The following CHN2 variants were observed in gnomAD, a reference collection of about 807,000 sequenced individuals.
CHN2 encodes the protein chimerin 2, also known as beta-chimaerin.
In CHN2, 35 loss-of-function variants were observed where a neutral mutation model predicts 56.3. That is an observed-to-expected ratio of 0.62 (90% CI 0.47 to 0.82). The LOEUF (loss-of-function observed/expected upper bound fraction) is 0.82, where lower values mean the gene tolerates loss of function less well. CHN2 is among the 40% of genes least tolerant of loss of function. CHN2 has a pLI of 0.00. For missense variants in CHN2, 491 were observed against 580.5 expected (o/e 0.85, Z 1.58); for synonymous variants, 210 against 212.8 (o/e 0.99, Z 0.12).
chr7:29,359,237 C>A (rs1394794361), intron 2 of CHN2, among the ~76,000 whole-genome samples: 4 of 152,060 alleles, frequency 2.6e-5, no homozygotes, highest in African/African-American at 9.7e-5. Context: ...CCCTGTATAA[C>A]ATGATTGGAA....
At chr7:29,478,415 A>T (rs1269561743) in intron 6 of CHN2, among the ~76,000 whole-genome samples, 1 of 152,146 alleles carries the variant, frequency 6.6e-6, no homozygotes, top group Non-Finnish European at 1.5e-5. Context: ...GCGATGTGTA[A>T]GGTGGACTGG....
intron 1 of CHN2, among the ~76,000 whole-genome samples, chr7:29,310,247 T>TA (rs1387783752): frequency 4.6e-5 from 7 of 152,028 alleles, no homozygotes; most frequent in Admixed American, 4.6e-4. Flanking sequence ...AGGGAGGAGA[T>TA]AAAAATAAAT....
chr7:29,400,377 G>A (rs1480111372), intron 5 of CHN2, 166 bp from the exon 6 acceptor site: 23 of 655,656 alleles, frequency 3.5e-5, no homozygotes, highest in Middle Eastern at 2.6e-4. Context: ...CCATTATACC[G>A]TCTCAAAGGG....
At chr7:29,336,408 A>T (rs1285629942) in intron 1 of CHN2, among the ~76,000 whole-genome samples, 1 of 152,112 alleles carries the variant, frequency 6.6e-6, no homozygotes, top group African/African-American at 2.4e-5. Context: ...CCAGGAGTTC[A>T]AGTGCAGCCT....
intron 6 of CHN2, among the ~76,000 whole-genome samples, chr7:29,407,100 T>C (rs888996275): frequency 6.6e-6 from 1 of 152,158 alleles, no homozygotes; most frequent in Admixed American, 6.5e-5. Context: ...CCTTGTAGCA[T>C]CAGGAGCAGC....
chr7:29,471,663 C>T (rs1377870384), intron 6 of CHN2, among the ~76,000 whole-genome samples: 4 of 152,130 alleles, frequency 2.6e-5, no homozygotes, highest in Non-Finnish European at 5.9e-5. Context: ...CCATCTGTCC[C>T]TGGAGAATAA....
At chr7:29,148,079 C>T (rs1793017593) in intron 2 of CHN2, among the ~76,000 whole-genome samples, 2 of 152,196 alleles carry the variant, frequency 1.3e-5, no homozygotes, top group Non-Finnish European at 2.9e-5. Context: ...GTATGAACAC[C>T]AGAGTCAGCA....
At chr7:29,430,157 G>A (rs548668015) in intron 6 of CHN2, among the ~76,000 whole-genome samples, 1 of 152,204 alleles carries the variant, frequency 6.6e-6, no homozygotes, top group Non-Finnish European at 1.5e-5. Context: ...AAACTGTGCA[G>A]GGCATTTGTT....
chr7:29,404,254 T>C (rs565905941), intron 6 of CHN2, among the ~76,000 whole-genome samples: 1 of 152,334 alleles, frequency 6.6e-6, no homozygotes, highest in African/African-American at 2.4e-5. Flanking sequence ...AAACTGCTAT[T>C]ACGAGCTATA....
chr7:29,328,484 G>A (rs540582951), intron 1 of CHN2, among the ~76,000 whole-genome samples: 2 of 152,010 alleles, frequency 1.3e-5, no homozygotes, highest in East Asian at 1.9e-4. Flanking sequence ...TCAGAGAAAC[G>A]TGTATAAAAG....
chr7:29,512,498 TAATCAATACATAA>T (rs1791598235), intron 12 of CHN2, 53 bp from the exon 13 acceptor site: 2 of 1,407,432 alleles, frequency 1.4e-6, no homozygotes, highest in Admixed American at 2.2e-5. Context: ...CTTACATACA[TAATCAATACATAA>T]AATCAATCCT....
At chr7:29,373,198 G>A (rs947802177) in intron 3 of CHN2, among the ~76,000 whole-genome samples, 2 of 149,980 alleles carry the variant, frequency 1.3e-5, no homozygotes, top group African/African-American at 2.5e-5. Context: ...TTTCTGAGGT[G>A]GAGTCTTGCT....
chr7:29,344,835 C>T (rs1308631129), intron 1 of CHN2, among the ~76,000 whole-genome samples: 1 of 152,208 alleles, frequency 6.6e-6, no homozygotes, highest in Non-Finnish European at 1.5e-5. Flanking sequence ...GCCCCTGCCC[C>T]ATGCAGCCTT....
intron 2 of CHN2, among the ~76,000 whole-genome samples, chr7:29,172,635 A>G (rs959856378): frequency 1.3e-5 from 2 of 152,250 alleles, no homozygotes; most frequent in African/African-American, 4.8e-5. Context: ...TCCATCTTTG[A>G]CATTAACAGA....
intron 1 of CHN2, among the ~76,000 whole-genome samples, chr7:29,259,251 C>T (rs1456629760): frequency 6.6e-6 from 1 of 151,762 alleles, no homozygotes; most frequent in Non-Finnish European, 1.5e-5. Flanking sequence ...TTACTTGAGC[C>T]TGAAGTTCAA....
chr7:29,311,862 CAAG>C (rs1794628914), intron 1 of CHN2, among the ~76,000 whole-genome samples: 1 of 152,174 alleles, frequency 6.6e-6, no homozygotes, highest in African/African-American at 2.4e-5. Context: ...AATAAATAAG[CAAG>C]AAAACAGATC....
intron 1 of CHN2, among the ~76,000 whole-genome samples, chr7:29,240,834 G>A (rs145697316): frequency 6.7e-6 from 1 of 148,240 alleles, no homozygotes; most frequent in Non-Finnish European, 1.5e-5. Flanking sequence ...CGTCGTCGTC[G>A]TCTTCGTCTT....
chr7:29,283,387 C>T (rs368197505), intron 1 of CHN2, among the ~76,000 whole-genome samples: 1 of 152,270 alleles, frequency 6.6e-6, no homozygotes, highest in South Asian at 2.1e-4. Flanking sequence ...CAAGTTTCCC[C>T]TCGGTTGGTA....
intron 1 of CHN2, among the ~76,000 whole-genome samples, chr7:29,239,403 A>G (rs1052169690): frequency 5.9e-5 from 9 of 152,228 alleles, no homozygotes; most frequent in Non-Finnish European, 1.2e-4. Context: ...CCACTGGGAC[A>G]TGTTCAGTTT....
Sources: allele counts gnomAD v4.1 joint callset (sites outside exome capture counted in the v4.1 genomes callset), GRCh38; gene constraint gnomAD v4.1.1; transcripts MANE v1.5; gene names NCBI Gene and HGNC (gene_info 2026-07-23, HGNC 2026-07-21).